The following VWF variants were observed in gnomAD, a reference collection of about 807,000 sequenced individuals.
VWF encodes the protein Factor VIII related antigen.
In VWF, 176 loss-of-function variants were observed where a neutral mutation model predicts 308.6. That is an observed-to-expected ratio of 0.57 (90% confidence interval 0.50 to 0.65). The LOEUF (loss-of-function observed/expected upper bound fraction) is 0.65. VWF is among the 30% of genes least tolerant of loss of function. VWF has a pLI of 0.00. For synonymous variants in VWF, 1,385 were observed against 1,443.4 expected, an observed-to-expected ratio of 0.96 and a Z score of 0.92; for missense variants, 3,146 against 3,648.2, an observed-to-expected ratio of 0.86 and a Z score of 3.55.
rs576312796 is a variant in VWF, at chr12:6,075,898, G to C, written c.658-347C>G. Among the ~76,000 whole-genome samples the C allele has an allele frequency of 6.6e-6, 1 of 152,322 alleles. No individual in the cohort carries two copies. The highest frequency in any genetic ancestry group is 1.9e-4 in the East Asian group (1 of 5,180). ...CCTGGAGTTGGCCTGGGTGGCTGCA[G>C]AGTCCAGGAATGCTGTCAGCATCGG... is the stretch of plus-strand genomic sequence containing the variant. On this transcript the variant is annotated intron_variant, in intron 6 of 51. Coordinates refer to ENST00000261405, the MANE Select transcript of VWF (RefSeq NM_000552.5). The surrounding 1 kb of genome is among the most constrained non-coding windows in gnomAD (Gnocchi z 4.7).
At chr12:6,106,150 C>T (rs1433773472) in intron 5 of VWF, among the ~76,000 whole-genome samples, 2 of 152,206 alleles carry the variant, frequency 1.3e-5, no homozygotes, top group Non-Finnish European at 2.9e-5. Context: ...ATCTAAGTGT[C>T]TACTGATGGA....
intron 16 of VWF, among the ~76,000 whole-genome samples, chr12:6,048,236 C>T (rs1461149311): frequency 1.3e-5 from 2 of 152,200 alleles, no homozygotes; most frequent in African/African-American, 2.4e-5. Flanking sequence ...GGTTCGATCT[C>T]GGCTCACTGC....
chr12:5,994,908 G>A (rs1056903153), intron 35 of VWF, among the ~76,000 whole-genome samples: 1 of 152,082 alleles, frequency 6.6e-6, no homozygotes, highest in Non-Finnish European at 1.5e-5. Context: ...AACAGGGAAG[G>A]GCAATGCCTT....
At chr12:6,088,500 A>C (rs1944997884) in intron 6 of VWF, among the ~76,000 whole-genome samples, 1 of 144,906 alleles carries the variant, frequency 6.9e-6, no homozygotes, top group African/African-American at 2.6e-5. Flanking sequence ...AAAGCGAGAG[A>C]GAGAGAGAGA....
At chr12:6,026,635 C>T (rs1364362329) in intron 22 of VWF, among the ~76,000 whole-genome samples, 5 of 152,252 alleles carry the variant, frequency 3.3e-5, no homozygotes, top group African/African-American at 4.8e-5. Context: ...AAAGTAGTTA[C>T]GAATGAGTGA....
intron 49 of VWF, 146 bp downstream of exon 49, chr12:5,952,244 AT>A: frequency 8.3e-7 from 1 of 1,200,136 alleles, no homozygotes; most frequent in South Asian, 1.3e-5. Flanking sequence ...GTAGGCTTTG[AT>A]TTCGTAATCT....
At position 6,121,244 on chromosome 12, in the gene VWF, C is replaced by T; in HGVS notation, c.150G>A (p.Met50Ile). ...AACTGCAGTATCCCGCAAAGCTGTA[C>T]ATGCTCCCATCAAAGGTGTTGACGA... ...SDFVNTFDGS[M>I]YSFAGYCSYL... The change falls in exon 3 of 52, where the codon ATG becomes ATA. Residue 50 changes from methionine to isoleucine, a missense_variant. Around this residue, in one of 3 missense-constraint regions of VWF, gnomAD observed 1,304 missense variants for 1,353.0 expected, o/e 0.96. Coordinates refer to ENST00000261405, the MANE Select transcript of VWF (RefSeq NM_000552.5). 4 of 1,614,248 alleles carry T rather than the reference C, an allele frequency of 2.5e-6. No individual in the cohort carries two copies. Among genetic ancestry groups the T allele is most frequent in the Non-Finnish European group, 3.4e-6 (4 of 1,180,042 alleles).
chr12:6,090,645 C>CTCCTCCTCT (rs71064186), intron 6 of VWF, among the ~76,000 whole-genome samples: 1 of 151,300 alleles, frequency 6.6e-6, no homozygotes, highest in African/African-American at 2.4e-5. Context: ...CCTCCTCCTC[C>CTCCTCCTCT]TCCTCATCAT....
At chr12:6,108,334 T>TACACACACATAC (rs1945267044) in intron 5 of VWF, among the ~76,000 whole-genome samples, 1 of 124,158 alleles carries the variant, frequency 8.1e-6, no homozygotes, top group Non-Finnish European at 1.7e-5. Context: ...AAGAAATATA[T>TACACACACATAC]ACACACACAC....
In VWF at chr12:6,063,020, G is replaced by A. The variant is rs377066810; in HGVS notation, c.1467C>T (p.Ser489=). 14 of 1,613,664 alleles carry A rather than the reference G, an allele frequency of 8.7e-6. No homozygotes were observed. Among genetic ancestry groups the A allele is most frequent in the Admixed American group, 5.0e-5 (3 of 60,018 alleles). The change falls in exon 13 of 52, where the codon TCC becomes TCT. Residue 489 remains serine, a synonymous_variant. Coordinates refer to ENST00000261405, the MANE Select transcript of VWF (RefSeq NM_000552.5). The surrounding 1 kb of genome is among the most constrained non-coding windows in gnomAD (Gnocchi z 4.9). ...GGTCCTCCCCGTAGCTGAGGCGCAC[G>A]GAGGCCGTCACTGTATGCTGGATGC... ...DLRIQHTVTA[S]VRLSYGEDLQ...
At chr12:5,996,910 C>G (rs1943813974) in intron 34 of VWF, among the ~76,000 whole-genome samples, 1 of 152,148 alleles carries the variant, frequency 6.6e-6, no homozygotes, top group Admixed American at 6.5e-5. Context: ...AAAATCCTCA[C>G]ATTGAAGGCA....
intron 47 of VWF, 24 bp downstream of exon 47, chr12:5,967,462 C>A (rs200573272): frequency 8.1e-6 from 13 of 1,607,442 alleles, no homozygotes; most frequent in Non-Finnish European, 1.1e-5. Flanking sequence ...TCCATGCCCT[C>A]GGTCCCCATT....
intron 36 of VWF, 81 bp downstream of exon 36, chr12:5,994,334 A>G: frequency 6.3e-7 from 1 of 1,597,846 alleles, no homozygotes; most frequent in Non-Finnish European, 8.6e-7. Flanking sequence ...AAATATAAGC[A>G]TCCAAGAGCC....
chr12:6,011,553 G>T, intron 34 of VWF, 64 bp downstream of exon 34: 10 of 1,480,478 alleles, frequency 6.8e-6, no homozygotes, highest in Non-Finnish European at 9.2e-6. Flanking sequence ...CTACTTTTCT[G>T]CACAGCCAAG....
intron 5 of VWF, among the ~76,000 whole-genome samples, chr12:6,097,741 A>G (rs529351626): frequency 6.6e-6 from 1 of 152,362 alleles, no homozygotes; most frequent in Admixed American, 6.5e-5. Context: ...TGGTAGCCAC[A>G]GGAAACTGAT....
intron 8 of VWF, among the ~76,000 whole-genome samples, chr12:6,072,696 G>A (rs1269845030): frequency 6.6e-6 from 1 of 152,148 alleles, no homozygotes; most frequent in Non-Finnish European, 1.5e-5. Context: ...TGGGCTTAGG[G>A]CTTCTTCCAG....
intron 14 of VWF, among the ~76,000 whole-genome samples, chr12:6,057,491 T>G (rs938982741): frequency 8.1e-6 from 1 of 123,712 alleles, no homozygotes; most frequent in Non-Finnish European, 1.7e-5. Context: ...TTATTATTAT[T>G]ATTATTATTA....
At chr12:6,039,132 G>A (rs575616338) in intron 18 of VWF, among the ~76,000 whole-genome samples, 13 of 152,298 alleles carry the variant, frequency 8.5e-5, no homozygotes, top group South Asian at 2.1e-4. Context: ...AACCACCTCC[G>A]TCTAGTGTTT....
At chr12:6,064,722 C>T (rs1266458548) in intron 11 of VWF, among the ~76,000 whole-genome samples, 3 of 152,330 alleles carry the variant, frequency 2.0e-5, no homozygotes, top group South Asian at 2.1e-4. Context: ...GCATTCTCTT[C>T]GTCCTCATCT....
Sources: allele counts gnomAD v4.1 joint callset (sites outside exome capture counted in the v4.1 genomes callset), GRCh38; gene constraint gnomAD v4.1.1; regional missense constraint gnomAD v4.1.1; non-coding constraint Gnocchi (gnomAD v3.1); transcripts MANE v1.5; gene names NCBI Gene and HGNC (gene_info 2026-07-23, HGNC 2026-07-21).